Variants in SEC24D observed in about 807,000 individuals in gnomAD.
The protein encoded by SEC24D is protein transport protein Sec24D.
In SEC24D, 69 loss-of-function variants were observed where a neutral mutation model predicts 116.9. The observed-to-expected ratio is 0.59, with a 90% confidence interval of 0.49 to 0.72. The LOEUF is 0.72. SEC24D is among the 30% of genes least tolerant of loss of function. SEC24D has a pLI of 0.00. For synonymous variants in SEC24D, 405 were observed against 442.8 expected (o/e 0.91, Z 1.07); for missense variants, 1,131 against 1,264.1 (o/e 0.89, Z 1.60).
At chr4:118,774,975 G>A (rs1728064866) in intron 8 of SEC24D, among the ~76,000 whole-genome samples, 1 of 152,082 alleles carries the variant, frequency 6.6e-6, no homozygotes, top group African/African-American at 2.4e-5. Flanking sequence ...CCTCTCTTGT[G>A]ACTTCTTAGA....
chr4:118,743,616 A>T (rs949100247), intron 15 of SEC24D, among the ~76,000 whole-genome samples: 6 of 152,094 alleles, frequency 3.9e-5, no homozygotes, highest in Admixed American at 2.6e-4. Context: ...TTCCCACCTC[A>T]ACCTCTCAAA....
At chr4:118,769,982 T>A (rs905690662) in intron 8 of SEC24D, 2 of 152,176 alleles carry the variant, frequency 1.3e-5, no homozygotes, top group Non-Finnish European at 2.9e-5. Flanking sequence ...CAGGACAAAG[T>A]CATCTTTGAC....
chr4:118,815,160 T>C lies in SEC24D; in HGVS notation c.674-5A>G, dbSNP rs779789326. The C allele has an allele frequency of 6.2e-7, 1 of 1,613,748 alleles. No homozygotes were observed. Among genetic ancestry groups the C allele is most frequent in the Non-Finnish European group, 8.5e-7 (1 of 1,179,916 alleles). The stretch of plus-strand genomic sequence containing the variant: ...CCATCTGGGGACCAGAGTTGGCTGC[T>C]TGGAAAAAATTTAAAGAGAAATGAC... On this transcript the variant is annotated splice_polypyrimidine_tract_variant and splice_region_variant and intron_variant, in intron 5 of 22. Transcript: ENST00000280551.
intron 22 of SEC24D, among the ~76,000 whole-genome samples, chr4:118,725,408 C>T (rs1345845957): frequency 6.6e-6 from 1 of 152,182 alleles, no homozygotes; most frequent in Non-Finnish European, 1.5e-5. Context: ...CCACATGCCA[C>T]TACAACTTTA....
chr4:118,810,108 GT>G (rs1560736897), intron 6 of SEC24D, among the ~76,000 whole-genome samples: 2 of 148,704 alleles, frequency 1.3e-5, no homozygotes, highest in African/African-American at 2.5e-5. Flanking sequence ...GTGTGTGTGT[GT>G]GTGTGTGTGT....
At chr4:118,764,198 A>T (rs1727524915) in intron 10 of SEC24D, among the ~76,000 whole-genome samples, 1 of 152,194 alleles carries the variant, frequency 6.6e-6, no homozygotes, top group Non-Finnish European at 1.5e-5. Context: ...AAAGAAAGCT[A>T]AATTTTTTTT....
intron 7 of SEC24D, among the ~76,000 whole-genome samples, chr4:118,802,430 T>G (rs1301290720): frequency 6.6e-6 from 1 of 152,182 alleles, no homozygotes; most frequent in Non-Finnish European, 1.5e-5. Context: ...TCCTTCCAGC[T>G]CTATATTGTA....
chr4:118,765,280 T>C (rs1306514878), intron 9 of SEC24D, among the ~76,000 whole-genome samples: 1 of 152,242 alleles, frequency 6.6e-6, no homozygotes, highest in African/African-American at 2.4e-5. Flanking sequence ...TTAATATACC[T>C]AACAGAAATA....
At chr4:118,746,776 A>C (rs1385394011) in intron 13 of SEC24D, among the ~76,000 whole-genome samples, 2 of 152,096 alleles carry the variant, frequency 1.3e-5, no homozygotes, top group Admixed American at 1.3e-4. Flanking sequence ...TGCTACTAAT[A>C]ATAAGGTACT....
At chr4:118,805,275 A>G (rs1273611006) in intron 7 of SEC24D, among the ~76,000 whole-genome samples, 1 of 152,190 alleles carries the variant, frequency 6.6e-6, no homozygotes, top group African/African-American at 2.4e-5. Flanking sequence ...TTAAAATGGT[A>G]TATTCAGAAT....
At chr4:118,820,039 A>G (rs1730329788) in intron 3 of SEC24D, among the ~76,000 whole-genome samples, 1 of 152,192 alleles carries the variant, frequency 6.6e-6, no homozygotes, top group Non-Finnish European at 1.5e-5. Flanking sequence ...TCTTAAATAG[A>G]TTTGGTTTTT....
chr4:118,769,999 G>C (rs1378002797), intron 8 of SEC24D, among the ~76,000 whole-genome samples: 1 of 152,166 alleles, frequency 6.6e-6, no homozygotes, highest in Non-Finnish European at 1.5e-5. Context: ...TGACAGGAGG[G>C]CAAGTATGAG....
At chr4:118,746,402 C>T (rs1377099696) in intron 13 of SEC24D, among the ~76,000 whole-genome samples, 1 of 151,994 alleles carries the variant, frequency 6.6e-6, no homozygotes, top group Non-Finnish European at 1.5e-5. Context: ...TTCTTTAACA[C>T]TCACAACCTT....
At chr4:118,755,994 A>T (rs1020341321) in intron 11 of SEC24D, among the ~76,000 whole-genome samples, 1 of 152,184 alleles carries the variant, frequency 6.6e-6, no homozygotes, top group Admixed American at 6.6e-5. Flanking sequence ...AAAGAGTATG[A>T]TTTCATAACT....
chr4:118,728,920 G>GACGT, intron 21 of SEC24D: 1 of 301,054 alleles, frequency 3.3e-6, no homozygotes, highest in Non-Finnish European at 6.2e-6. Flanking sequence ...ATACAGCACA[G>GACGT]ACGTAGTCAG....
intron 7 of SEC24D, among the ~76,000 whole-genome samples, chr4:118,798,994 G>C (rs1729305849): frequency 1.3e-5 from 2 of 152,292 alleles, no homozygotes; most frequent in South Asian, 4.1e-4. Flanking sequence ...CAATGAAATG[G>C]GGAGCCACTG....
At chr4:118,808,148 A>T (rs1384143428) in intron 6 of SEC24D, among the ~76,000 whole-genome samples, 1 of 152,120 alleles carries the variant, frequency 6.6e-6, no homozygotes, top group Admixed American at 6.5e-5. Context: ...TTTTGTAGAG[A>T]TGGGGTCTAA....
At chr4:118,798,164 T>C (rs1729263440) in intron 7 of SEC24D, among the ~76,000 whole-genome samples, 1 of 152,190 alleles carries the variant, frequency 6.6e-6, no homozygotes, top group African/African-American at 2.4e-5. Flanking sequence ...CACACAAATA[T>C]GACAGAACAA....
chr4:118,816,244 A>G (rs1730143313), intron 4 of SEC24D, among the ~76,000 whole-genome samples: 1 of 152,072 alleles, frequency 6.6e-6, no homozygotes, highest in African/African-American at 2.4e-5. Flanking sequence ...AATTTTTAAA[A>G]GGTAAAAGCA....
Sources: gnomAD v4.1 joint callset for allele counts (sites outside exome capture counted in the v4.1 genomes callset) on GRCh38, gnomAD v4.1.1 for gene constraint, MANE v1.5 for transcripts, NCBI Gene and HGNC (gene_info 2026-07-23, HGNC 2026-07-21) for gene names.